RAB40B: variants seen among roughly 807,000 people sequenced by gnomAD.
RAB40B encodes the protein ras-related protein Rab-40B.
In RAB40B, 21 loss-of-function variants were observed where a neutral mutation model predicts 24.0. That is an observed-to-expected ratio of 0.88 (90% CI 0.62 to 1.26). The LOEUF is 1.26. Ranked by LOEUF, RAB40B falls within the 50% of genes most tolerant of loss-of-function variation. The pLI is 0.00. For synonymous variants in RAB40B, 167 were observed against 169.8 expected (o/e 0.98, Z 0.13); for missense variants, 348 against 390.5 (o/e 0.89, Z 0.92).
chr17:82,658,845 G>A (rs1220164298), intron 4 of RAB40B, 132 bp from the exon 5 acceptor site: 20 of 771,064 alleles, frequency 2.6e-5, no homozygotes, highest in East Asian at 2.2e-4. Flanking sequence ...ATGGGACCTC[G>A]TTTGGAAAGA....
intron 2 of RAB40B, chr17:82,662,772 G>T: frequency 1.0e-6 from 1 of 985,388 alleles, no homozygotes; most frequent in Non-Finnish European, 1.2e-6. Context: ...AAGTGTGAGG[G>T]TGACTGTTCG....
chr17:82,679,127 C>T (rs2046424198), intron 1 of RAB40B, among the ~76,000 whole-genome samples: 1 of 151,422 alleles, frequency 6.6e-6, no homozygotes. Flanking sequence ...TCGTGATCCA[C>T]CTGCCTCGGC....
At chr17:82,674,929 C>T (rs1254794708) in intron 1 of RAB40B, among the ~76,000 whole-genome samples, 2 of 152,130 alleles carry the variant, frequency 1.3e-5, no homozygotes, top group Non-Finnish European at 2.9e-5. Context: ...CACCAGAATC[C>T]AGCCACGCCT....
Position 82,658,066 on chromosome 17 carries a change from G to A in RAB40B, c.634C>T (p.Leu212Phe), listed in dbSNP as rs773518741. The change falls in exon 6 of 6, where the codon CTC (leucine) becomes TTC (phenylalanine). Residue 212 changes from leucine (L) to phenylalanine (F), a missense_variant. Leu to Phe is a conservative substitution (Grantham distance 22, BLOSUM62 0). Coordinates refer to ENST00000571995, the MANE Select transcript of RAB40B (RefSeq NM_006822.3). ...SCTPVHLVDK[L>F]PLPIALRSHL... Reference sequence around the variant, plus strand: ...CTTCTTAAGGCAATGGGGAGCGGGAGCTTGTCCACCAGGTGCACCGGCGTG... The same window carrying A: ...CTTCTTAAGGCAATGGGGAGCGGGAACTTGTCCACCAGGTGCACCGGCGTG... The A allele has an allele frequency of 2.5e-6, 4 of 1,614,232 alleles. No individual in the cohort carries two copies. The highest frequency in any genetic ancestry group is 1.1e-5 in the South Asian group (1 of 91,088).
Position 82,689,669 on chromosome 17 carries a change from G to A in RAB40B, c.142+8786C>T, listed in dbSNP as rs532291332. Among the ~76,000 whole-genome samples the A allele has an allele frequency of 7.2e-5, 11 of 152,280 alleles. No homozygotes were observed. In the South Asian group the frequency reaches 2.1e-3, roughly 29 times the overall value. ...TTTTCTCACAAGTGGTACCGCAGGAGGTAAAGAAGTAGAAAACTGGCCGGG... is the reference window on the plus strand; with the variant it reads ...TTTTCTCACAAGTGGTACCGCAGGAAGTAAAGAAGTAGAAAACTGGCCGGG... On this transcript the variant is annotated intron_variant, in intron 1 of 5. Coordinates refer to ENST00000571995, the MANE Select transcript of RAB40B (RefSeq NM_006822.3).
At chr17:82,677,569 C>T (rs56002738) in intron 1 of RAB40B, among the ~76,000 whole-genome samples, 17,898 of 152,212 alleles carry the variant, frequency 0.12, 1,104 homozygotes, top group East Asian at 0.16. Context: ...TCAGCCCTGA[C>T]GCCGCGTCTC....
chr17:82,661,132 GC>G (rs1322236846), intron 2 of RAB40B, 85 bp from the exon 3 acceptor site: 1 of 1,516,048 alleles, frequency 6.6e-7, no homozygotes, highest in Non-Finnish European at 8.9e-7. Flanking sequence ...CACAGCAAGT[GC>G]ACCACACACC....
intron 1 of RAB40B, among the ~76,000 whole-genome samples, chr17:82,681,500 A>G (rs2046449230): frequency 6.6e-6 from 1 of 152,142 alleles, no homozygotes; most frequent in African/African-American, 2.4e-5. Context: ...TGAGTGCGAA[A>G]CAAGCAACCC....
Position 82,658,536 on chromosome 17 carries a change from C to T in RAB40B, c.520G>A (p.Val174Met), listed in dbSNP as rs758404548. The change falls in exon 5 of 6, where the codon GTG becomes ATG. Residue 174 changes from valine to methionine, a missense_variant. By Grantham distance (21) the Val-to-Met change is conservative. Coordinates refer to ENST00000571995, the MANE Select transcript of RAB40B (RefSeq NM_006822.3). ...CGGTCCATCCCATGCCGCAGCAGCA[C>T]GATCCTGGCCAGCTCCGTGAACGAC... The part of the protein sequence containing the change: ...TESFTELARI[V>M]LLRHGMDRLW... 8 of 1,613,394 alleles carry T rather than the reference C, an allele frequency of 5.0e-6. No individual in the cohort carries two copies. Among genetic ancestry groups the T allele is most frequent in the Non-Finnish European group, 5.1e-6 (6 of 1,179,972 alleles).
intron 1 of RAB40B, among the ~76,000 whole-genome samples, chr17:82,665,066 G>A (rs114731697): frequency 5.5e-4 from 84 of 152,328 alleles, no homozygotes; most frequent in African/African-American, 1.8e-3. Flanking sequence ...GTGACGCTGC[G>A]TGGGATGCCC....
At chr17:82,677,699 G>A (rs924966222) in intron 1 of RAB40B, among the ~76,000 whole-genome samples, 1 of 152,236 alleles carries the variant, frequency 6.6e-6, no homozygotes, top group African/African-American at 2.4e-5. Flanking sequence ...TCCAGGCACA[G>A]GTGGCCTGGC....
chr17:82,660,274 C>A (rs949223049), intron 3 of RAB40B, among the ~76,000 whole-genome samples: 1 of 150,432 alleles, frequency 6.6e-6, no homozygotes, highest in African/African-American at 2.5e-5. Context: ...AACAGGCAAG[C>A]ACACACGTAC....
chr17:82,684,114 G>A (rs1352967125), intron 1 of RAB40B, among the ~76,000 whole-genome samples: 4 of 147,704 alleles, frequency 2.7e-5, no homozygotes, highest in South Asian at 2.2e-4. Context: ...CCAGCTACTC[G>A]GGAGGCTGAG....
chr17:82,664,552 G>A lies in RAB40B; in HGVS notation c.147C>T (p.Ile49=), dbSNP rs763568945. ...GCAGGATGGTGGTCGTCTTGTAGTCGATGCCTGCGGAAGGGTTAGAGACGG... is the reference window on the plus strand; with the variant it reads ...GCAGGATGGTGGTCGTCTTGTAGTCAATGCCTGCGGAAGGGTTAGAGACGG... ...AESPYGHPAG[I]DYKTTTILLD... is the part of the protein sequence containing the mutation. Residue 49 remains isoleucine (I), a synonymous_variant, in exon 2 of 6, where the codon ATC becomes ATT. Transcript: ENST00000571995. 2.4e-5 allele frequency: 38 copies of A among 1,613,436 alleles called. No individual in the cohort carries two copies. In the African/African-American group the frequency reaches 2.4e-4, roughly 10 times the overall value.
Position 82,674,505 on chromosome 17 carries a change from G to A in RAB40B, c.143-9949C>T, listed in dbSNP as rs556923650. Among the ~76,000 whole-genome samples the A allele has an allele frequency of 2.7e-4, 41 of 150,918 alleles. No homozygotes were observed. The South Asian group carries it at 6.9e-3, about 26-fold the overall frequency. ...AAAAAAAAAATTAGCCGGGTGTGGT[G>A]GCGGGCACCTGTAGTCCCAGCTACT... On this transcript the variant is annotated intron_variant, in intron 1 of 5. Coordinates refer to ENST00000571995, the MANE Select transcript of RAB40B (RefSeq NM_006822.3).
At chr17:82,693,971 T>C (rs972721734) in intron 1 of RAB40B, among the ~76,000 whole-genome samples, 5 of 150,506 alleles carry the variant, frequency 3.3e-5, no homozygotes, top group African/African-American at 5.0e-5. Context: ...TAGTCCCAGC[T>C]ACTCAGGAGG....
rs1224979486 is a variant in RAB40B at position 82,697,698 on chromosome 17, T to G, written c.142+757A>C. Among the ~76,000 whole-genome samples the G allele has an allele frequency of 6.6e-6, 1 of 152,076 alleles. No individual in the cohort carries two copies. Among genetic ancestry groups the G allele is most frequent in the African/African-American group, 2.4e-5 (1 of 41,418 alleles). The stretch of plus-strand genomic sequence containing the variant: ...TTCTCCTGGGTTCCTGCCCCCGCCT[T>G]TCTTTCCCCGGAGCCGTCCACCCCC... On this transcript the variant is annotated intron_variant, in intron 1 of 5. Transcript: ENST00000571995. The surrounding 1 kb of genome is among the most constrained non-coding windows in gnomAD (Gnocchi z 4.9).
At chr17:82,681,390 T>C (rs201937312) in intron 1 of RAB40B, among the ~76,000 whole-genome samples, 1 of 152,176 alleles carries the variant, frequency 6.6e-6, no homozygotes, top group African/African-American at 2.4e-5. Context: ...AGAAGTCTCC[T>C]AATACAGGAA....
At position 82,659,571 on chromosome 17, in the gene RAB40B, A is replaced by G; in HGVS notation, c.342+9T>C. 1 of 1,613,850 alleles carries G rather than the reference A, an allele frequency of 6.2e-7. No individual in the cohort carries two copies. ...AGGGATCTTGGGCAGTGGCATTTCT[A>G]CAACATACCTCATCGATCTCCTTAA... On this transcript the variant is annotated intron_variant, in intron 4 of 5. Transcript: ENST00000571995.
Sources: gnomAD v4.1 joint callset for allele counts (sites outside exome capture counted in the v4.1 genomes callset) on GRCh38, gnomAD v4.1.1 for gene constraint, Gnocchi (gnomAD v3.1) non-coding constraint, MANE v1.5 for transcripts, NCBI Gene and HGNC (gene_info 2026-07-23, HGNC 2026-07-21) for gene names.